LRCOL1: variants seen among roughly 807,000 people sequenced by gnomAD.
LRCOL1 encodes leucine rich colipase like 1.
In LRCOL1, 21 loss-of-function variants were observed where a neutral mutation model predicts 21.6. The ratio of observed to expected loss-of-function variants is 0.97; its 90% CI spans 0.69 to 1.40. The LOEUF is 1.40. Among genes scored for constraint, LRCOL1 ranks in the 40% most tolerant of loss-of-function variants. The pLI is 0.00. For synonymous variants in LRCOL1, 98 were observed against 90.1 expected, an observed-to-expected ratio of 1.09 and a Z score of -0.49; for missense variants, 198 against 202.3, an observed-to-expected ratio of 0.98 and a Z score of 0.13.
rs1172121598 is a variant in LRCOL1, at chr12:132,606,026, C to A, written c.105+121G>T. 9 of 878,392 alleles carry A rather than the reference C, an allele frequency of 1.0e-5. No individual in the cohort carries two copies. The highest frequency in any genetic ancestry group is 1.6e-5 in the Non-Finnish European group (9 of 577,242). 54.4% of individuals were successfully genotyped at this position (878,392 alleles called of 1,614,324 possible). A position where few individuals can be genotyped will look rare whatever the true frequency, so the allele number is the denominator to read the frequency against. ...GAAGGCGCTTTGTGTCCCTTTGAGA[C>A]CCTCCTGACGGAAAGTGGCAGCCCT... is the stretch of plus-strand genomic sequence containing the variant. On this transcript the variant is annotated intron_variant, in intron 2 of 5. Transcript: ENST00000376608. The surrounding 1 kb of genome is among the most constrained non-coding windows in gnomAD (Gnocchi z 4.6).
chr12:132,604,537 G>A lies in LRCOL1; in HGVS notation c.279C>T (p.Cys93=), dbSNP rs1203237634. The change falls in exon 4 of 6, where the codon TGC becomes TGT. Residue 93 remains cysteine (C), a synonymous_variant. Transcript: ENST00000376608. ...CCTGCGGGCTGTTGTTGCGGACGCA[G>A]CAGCTGCTCTGGCACTCTGAGTCGT... is the stretch of plus-strand genomic sequence containing the variant. ...CSHDSECQSS[C]CVRNNSPQEL... is the part of the protein sequence containing the mutation. 6.5e-7 allele frequency: 1 copy of A among 1,536,178 alleles called. No homozygotes were observed. Among genetic ancestry groups the A allele is most frequent in the Non-Finnish European group, 8.7e-7 (1 of 1,146,890 alleles).
At position 132,606,246 on chromosome 12, in the gene LRCOL1, G is replaced by T; in HGVS notation, c.6C>A (p.Ala2=). Residue 2 remains alanine (A), a synonymous_variant, in exon 2 of 6, where the codon GCC becomes GCA. Coordinates refer to ENST00000376608, the MANE Select transcript of LRCOL1 (RefSeq NM_001195520.2). This position sits in a 1 kb window ranked among gnomAD's most constrained non-coding sequence, Gnocchi z 4.6. ...GTAGCAGCAGCGTCCACCCCGGGCC[G>T]GCCATCGGGTGTGTGGACCTGCAGA... M[A]GPGWTLLLLL... 6.5e-7 allele frequency: 1 copy of T among 1,536,328 alleles called. No homozygotes were observed. The highest frequency in any genetic ancestry group is 8.7e-7 in the Non-Finnish European group (1 of 1,146,888).
rs2041283068 is a variant in LRCOL1 at position 132,604,821 on chromosome 12, TC to T, written c.115del (p.Glu39SerfsTer100). The T allele has an allele frequency of 1.3e-6, 2 of 1,535,798 alleles. No individual in the cohort carries two copies. Among genetic ancestry groups the T allele is most frequent in the Non-Finnish European group, 1.7e-6 (2 of 1,146,630 alleles). ...GCACTCCTCGTGTCTCCTGCATGGC[TC>T]CCCGATGCCCTGAAACACCACTCAC... ...KLNLSHKGIG[E>X]PCRRHEECQS... On this transcript the variant is annotated frameshift_variant, in exon 3 of 6. Coordinates refer to ENST00000376608, the MANE Select transcript of LRCOL1 (RefSeq NM_001195520.2). LOFTEE classifies it high-confidence loss of function.
intron 3 of LRCOL1, 40 bp downstream of exon 3, chr12:132,604,666 C>T (rs1245522202): frequency 6.5e-7 from 1 of 1,527,580 alleles, no homozygotes; most frequent in East Asian, 2.5e-5. Flanking sequence ...GGGCCACAGG[C>T]AGTCTCGCTC....
At position 132,603,328 on chromosome 12, in the gene LRCOL1, C is replaced by A; in HGVS notation, c.*74G>T. ...TAAGGGAAGCTTCCGCTGGAACCAG[C>A]CCCCGCGCAACGCGGTCCTGCGTGA... On this transcript the variant is annotated 3_prime_UTR_variant, in exon 6 of 6. Transcript: ENST00000376608. The A allele has an allele frequency of 6.5e-7, 1 of 1,529,114 alleles. No homozygotes were observed. 94.7% of individuals were successfully genotyped at this position (1,529,114 alleles called of 1,614,324 possible). A position where few individuals can be genotyped will look rare whatever the true frequency, so the allele number is the denominator to read the frequency against.
At chr12:132,607,798 T>C (rs1228990213) in intron 1 of LRCOL1, among the ~76,000 whole-genome samples, 1 of 148,866 alleles carries the variant, frequency 6.7e-6, no homozygotes, top group Non-Finnish European at 1.5e-5. Context: ...CCTCTCTCTG[T>C]CTCTGTCTCC....
intron 2 of LRCOL1, 22 bp from the exon 3 acceptor site, chr12:132,604,853 C>T (rs538300690): frequency 5.3e-5 from 81 of 1,534,834 alleles, no homozygotes; most frequent in Middle Eastern, 1.7e-4. Flanking sequence ...CTCACCAGCT[C>T]GCTCACCTGT....
chr12:132,608,312 C>T (rs1222249984), intron 1 of LRCOL1, among the ~76,000 whole-genome samples: 2 of 152,196 alleles, frequency 1.3e-5, no homozygotes, highest in African/African-American at 4.8e-5. Context: ...CCTCTGCCTG[C>T]GGCTGGGCAG....
At position 132,603,252 on chromosome 12, in the gene LRCOL1, C is replaced by T. The variant is rs1163409763; in HGVS notation, c.*150G>A. ...CTTCGCGCCACCAGGCTGGTCACAG[C>T]CTTTCAGTTCCCACAGATTTTCAGA... On this transcript the variant is annotated 3_prime_UTR_variant, in exon 6 of 6. Coordinates refer to ENST00000376608, the MANE Select transcript of LRCOL1 (RefSeq NM_001195520.2). 9.7e-6 allele frequency: 12 copies of T among 1,240,134 alleles called. No homozygotes were observed. The highest frequency in any genetic ancestry group is 1.5e-5 in the African/African-American group (1 of 66,454). The allele number at this position is 1,240,134 out of a possible 1,614,324, so 76.8% of individuals were successfully genotyped here.
Position 132,604,358 on chromosome 12 carries a change from TGCA to T in LRCOL1, c.370_372del (p.Cys124del). On this transcript the variant is annotated inframe_deletion, in exon 5 of 6. Transcript: ENST00000376608. ...TGGCTGTGACACTCCTGATGGCTGC[TGCA>T]GAAGTCGCCGTTGGGCTGGGGAGGC... 6.5e-7 allele frequency: 1 copy of T among 1,535,774 alleles called. No individual in the cohort carries two copies. The highest frequency in any genetic ancestry group is 1.2e-5 in the South Asian group (1 of 84,046).
Position 132,606,292 on chromosome 12 carries a change from T to G in LRCOL1, c.-13-28A>C, listed in dbSNP as rs1290256119. The G allele has an allele frequency of 1.3e-6, 2 of 1,529,720 alleles. No individual in the cohort carries two copies. Among genetic ancestry groups the G allele is most frequent in the East Asian group, 4.9e-5 (2 of 40,820 alleles). The allele number at this position is 1,529,720 out of a possible 1,614,324, so 94.8% of individuals were successfully genotyped here. On this transcript the variant is annotated intron_variant, in intron 1 of 5. Coordinates refer to ENST00000376608, the MANE Select transcript of LRCOL1 (RefSeq NM_001195520.2). The surrounding 1 kb of genome is among the most constrained non-coding windows in gnomAD (Gnocchi z 4.6). ...GCAGAGACCCAGGATTGTGTGGGAG[T>G]GTGTCCACGCCAGCCTTGTCCTGCC...
At chr12:132,604,057 C>T in intron 5 of LRCOL1, 197 bp downstream of exon 5, 1 of 1,409,772 alleles carries the variant, frequency 7.1e-7, no homozygotes, top group East Asian at 2.6e-5. Flanking sequence ...GGGCTCAGTG[C>T]CAGCCCAGGA....
Position 132,604,019 on chromosome 12 carries a change from C to T in LRCOL1, c.477+235G>A, listed in dbSNP as rs1189021481. The T allele has an allele frequency of 1.0e-5, 14 of 1,371,336 alleles. No individual in the cohort carries two copies. In the Admixed American group the frequency reaches 1.3e-4, roughly 13 times the overall value. 84.9% of individuals were successfully genotyped at this position (1,371,336 alleles called of 1,614,324 possible). ...TCCGCAGGCTCTGACGGTCTCTGAC[C>T]GGGCACCCGTGCCCTGCGGGGCCTG... On this transcript the variant is annotated intron_variant, in intron 5 of 5. Coordinates refer to ENST00000376608, the MANE Select transcript of LRCOL1 (RefSeq NM_001195520.2).
intron 1 of LRCOL1, among the ~76,000 whole-genome samples, chr12:132,607,089 C>T (rs927717098): frequency 2.0e-5 from 3 of 152,196 alleles, no homozygotes; most frequent in Non-Finnish European, 2.9e-5. Flanking sequence ...GATGAAGCAG[C>T]GGCATTGCCC....
chr12:132,603,319 T>C lies in LRCOL1; in HGVS notation c.*83A>G. 2.0e-6 allele frequency: 3 copies of C among 1,523,640 alleles called. No homozygotes were observed. The highest frequency in any genetic ancestry group is 2.5e-5 in the East Asian group (1 of 40,724). The allele number at this position is 1,523,640 out of a possible 1,614,324, so 94.4% of individuals were successfully genotyped here. On this transcript the variant is annotated 3_prime_UTR_variant, in exon 6 of 6. Transcript: ENST00000376608. Reference sequence around the variant, plus strand: ...CACAAACCGTAAGGGAAGCTTCCGCTGGAACCAGCCCCCGCGCAACGCGGT... The same window carrying C: ...CACAAACCGTAAGGGAAGCTTCCGCCGGAACCAGCCCCCGCGCAACGCGGT...
intron 1 of LRCOL1, among the ~76,000 whole-genome samples, chr12:132,610,039 C>T (rs904811183): frequency 2.6e-5 from 4 of 152,224 alleles, no homozygotes; most frequent in South Asian, 2.1e-4. Context: ...ATGTTTTGAG[C>T]GTAAGACCCT....
Position 132,603,337 on chromosome 12 carries a change from A to G in LRCOL1, c.*65T>C. 1 of 1,533,850 alleles carries G rather than the reference A, an allele frequency of 6.5e-7. No homozygotes were observed. ...CTTCCGCTGGAACCAGCCCCCGCGC[A>G]ACGCGGTCCTGCGTGAACATCCCAG... is the stretch of plus-strand genomic sequence containing the variant. On this transcript the variant is annotated 3_prime_UTR_variant, in exon 6 of 6. Coordinates refer to ENST00000376608, the MANE Select transcript of LRCOL1 (RefSeq NM_001195520.2).
At position 132,604,264 on chromosome 12, in the gene LRCOL1, C is replaced by T; in HGVS notation, c.467G>A (p.Cys156Tyr). The change falls in exon 5 of 6, where the codon TGC (cysteine) becomes TAC (tyrosine). Residue 156 changes from cysteine to tyrosine, a missense_variant. Cys to Tyr is a radical substitution (Grantham distance 194). Coordinates refer to ENST00000376608, the MANE Select transcript of LRCOL1 (RefSeq NM_001195520.2). ...CIPRTGILAQ[C>Y]LPL Reference sequence around the variant, plus strand: ...CCGCCCGGGACTTACCAGGGGCAGGCACTGGGCCAGGATCCCGGTCCGGGG... The same window carrying T: ...CCGCCCGGGACTTACCAGGGGCAGGTACTGGGCCAGGATCCCGGTCCGGGG... 1 of 1,534,312 alleles carries T rather than the reference C, an allele frequency of 6.5e-7. No homozygotes were observed. Among genetic ancestry groups the T allele is most frequent in the South Asian group, 1.2e-5 (1 of 83,824 alleles).
At chr12:132,603,946 CA>C in intron 5 of LRCOL1, 1 of 1,255,170 alleles carries the variant, frequency 8.0e-7, no homozygotes, top group Middle Eastern at 3.1e-4. Flanking sequence ...TGAAGACGTC[CA>C]ACCCCAGCTC....
Sources: allele counts gnomAD v4.1 joint callset (sites outside exome capture counted in the v4.1 genomes callset), GRCh38; gene constraint gnomAD v4.1.1; non-coding constraint Gnocchi (gnomAD v3.1); transcripts MANE v1.5; gene names NCBI Gene and HGNC (gene_info 2026-07-23, HGNC 2026-07-21).